GALNT18: variants seen among roughly 807,000 people sequenced by gnomAD.
GALNT18 encodes GalNAc-transferase 18.
In GALNT18, 44 loss-of-function variants were observed where a neutral mutation model predicts 69.5. The ratio of observed to expected loss-of-function variants is 0.63; its 90% CI spans 0.50 to 0.81. The LOEUF (loss-of-function observed/expected upper bound fraction) is 0.81. GALNT18 is among the 40% of genes least tolerant of loss of function. The probability of loss-of-function intolerance (pLI) is 0.00; values close to 1 mark genes in which losing one functional copy is unlikely to be tolerated. For missense variants in GALNT18, 715 were observed against 810.0 expected (o/e 0.88, Z 1.42); for synonymous variants, 364 against 318.2 (o/e 1.14, Z -1.53).
Position 11,439,493 on chromosome 11 carries a change from C to T in GALNT18, c.429-6706G>A, listed in dbSNP as rs1485975485. Among the ~76,000 whole-genome samples the T allele has an allele frequency of 6.6e-6, 1 of 152,156 alleles. No individual in the cohort carries two copies. The highest frequency in any genetic ancestry group is 1.9e-4 in the East Asian group (1 of 5,192). On this transcript the variant is annotated intron_variant, in intron 2 of 10. Coordinates refer to ENST00000227756, the MANE Select transcript of GALNT18 (RefSeq NM_198516.3). The surrounding 1 kb of genome is among the most constrained non-coding windows in gnomAD (Gnocchi z 4.4). ...CCCTTCCTGGGCTGGAGTCCAGTCCCCTGTGAGACTCTCACAGATTCTGCT... is the reference window on the plus strand; with the variant it reads ...CCCTTCCTGGGCTGGAGTCCAGTCCTCTGTGAGACTCTCACAGATTCTGCT...
intron 1 of GALNT18, among the ~76,000 whole-genome samples, chr11:11,478,159 T>C (rs1454186172): frequency 6.6e-6 from 1 of 152,126 alleles, no homozygotes; most frequent in African/African-American, 2.4e-5. Context: ...ACAGGTCACA[T>C]AGAAAGGAGC....
intron 9 of GALNT18, among the ~76,000 whole-genome samples, chr11:11,308,230 T>A (rs1163550592): frequency 3.3e-5 from 5 of 152,222 alleles, no homozygotes; most frequent in Non-Finnish European, 7.3e-5. Context: ...GTGTAAGCGA[T>A]GGTGGAAATC....
At position 11,459,380 on chromosome 11, in the gene GALNT18, C is replaced by T. The variant is rs72863053; in HGVS notation, c.236-10444G>A. Reference sequence around the variant, plus strand: ...TCCAACACCATTAAAATCCTCTGTGCGAGGACTTTATTCAGCATGGCAAAG... The same window carrying T: ...TCCAACACCATTAAAATCCTCTGTGTGAGGACTTTATTCAGCATGGCAAAG... On this transcript the variant is annotated intron_variant, in intron 1 of 10. Transcript: ENST00000227756. This position sits in a 1 kb window ranked among gnomAD's most constrained non-coding sequence, Gnocchi z 5.0. 0.055 allele frequency among the ~76,000 whole-genome samples: 8,416 copies of T among 152,182 alleles called. 325 individuals are homozygous for T. Among genetic ancestry groups the T allele is most frequent in the Middle Eastern group, 0.092 (27 of 294 alleles).
chr11:11,590,938 A>G lies in GALNT18; in HGVS notation c.235+30421T>C, dbSNP rs1010978810. 2.0e-5 allele frequency among the ~76,000 whole-genome samples: 3 copies of G among 152,190 alleles called. No homozygotes were observed. The highest frequency in any genetic ancestry group is 4.8e-5 in the African/African-American group (2 of 41,452). On this transcript the variant is annotated intron_variant, in intron 1 of 10. Transcript: ENST00000227756. The surrounding 1 kb of genome is among the most constrained non-coding windows in gnomAD (Gnocchi z 4.4). Reference sequence around the variant, plus strand: ...TATGTTACTGGTTTATGTATTTACTATATTATATTTTTACTATTATTTTAG... The same window carrying G: ...TATGTTACTGGTTTATGTATTTACTGTATTATATTTTTACTATTATTTTAG...
In GALNT18 at chr11:11,604,249, T is replaced by C. The variant is rs915036027; in HGVS notation, c.235+17110A>G. 6.6e-6 allele frequency among the ~76,000 whole-genome samples: 1 copy of C among 152,226 alleles called. No homozygotes were observed. The highest frequency in any genetic ancestry group is 1.5e-5 in the Non-Finnish European group (1 of 68,038). ...TCAAAGATTGTGTTGGTTTGGTTAG[T>C]AAGTTAAAAATCCATTAAGAGCATT... On this transcript the variant is annotated intron_variant, in intron 1 of 10. Coordinates refer to ENST00000227756, the MANE Select transcript of GALNT18 (RefSeq NM_198516.3). This position sits in a 1 kb window ranked among gnomAD's most constrained non-coding sequence, Gnocchi z 5.6.
chr11:11,366,307 G>T (rs891977671), intron 6 of GALNT18, among the ~76,000 whole-genome samples: 1 of 152,064 alleles, frequency 6.6e-6, no homozygotes, highest in African/African-American at 2.4e-5. Context: ...AGTTAAGCAC[G>T]ACTATAATAC....
chr11:11,506,978 C>T lies in GALNT18; in HGVS notation c.236-58042G>A, dbSNP rs545396933. 8.5e-5 allele frequency among the ~76,000 whole-genome samples: 13 copies of T among 152,286 alleles called. No homozygotes were observed. The South Asian group carries it at 2.5e-3, about 29-fold the overall frequency. On this transcript the variant is annotated intron_variant, in intron 1 of 10. Transcript: ENST00000227756. ...AGTACAGGACAAAACCCTTCAGGGT[C>T]GCTCCCAATAGAAAGAGCACCTGCA...
At chr11:11,342,260 G>T (rs924877382) in intron 6 of GALNT18, among the ~76,000 whole-genome samples, 1 of 152,090 alleles carries the variant, frequency 6.6e-6, no homozygotes, top group African/African-American at 2.4e-5. Flanking sequence ...TGTATAAATG[G>T]CTGACATTTA....
intron 9 of GALNT18, among the ~76,000 whole-genome samples, chr11:11,295,539 C>T (rs1397640655): frequency 1.3e-5 from 2 of 152,118 alleles, no homozygotes; most frequent in Non-Finnish European, 2.9e-5. Flanking sequence ...TCTTTCCTCC[C>T]CACTTCAATC....
rs749641681 is a variant in GALNT18, at chr11:11,590,326, G to A, written c.235+31033C>T. 8.5e-5 allele frequency among the ~76,000 whole-genome samples: 13 copies of A among 152,212 alleles called. No homozygotes were observed. Among genetic ancestry groups the A allele is most frequent in the Non-Finnish European group, 1.5e-4 (10 of 68,038 alleles). Reference sequence around the variant, plus strand: ...GCATGCAAGGGGTCACGCAGAAAGCGACAGGGCCCAAGCCTATGTCCTTGG... The same window carrying A: ...GCATGCAAGGGGTCACGCAGAAAGCAACAGGGCCCAAGCCTATGTCCTTGG... On this transcript the variant is annotated intron_variant, in intron 1 of 10. Coordinates refer to ENST00000227756, the MANE Select transcript of GALNT18 (RefSeq NM_198516.3). The surrounding 1 kb of genome is among the most constrained non-coding windows in gnomAD (Gnocchi z 4.4).
At chr11:11,331,336 C>G (rs569225079) in intron 8 of GALNT18, among the ~76,000 whole-genome samples, 1 of 152,160 alleles carries the variant, frequency 6.6e-6, no homozygotes. Flanking sequence ...CTCCTACAAT[C>G]TGGCCTTCTG....
chr11:11,377,466 C>A lies in GALNT18; in HGVS notation c.780-87G>T, dbSNP rs904090500. 1.7e-6 allele frequency: 2 copies of A among 1,207,742 alleles called. No individual in the cohort carries two copies. Among genetic ancestry groups the A allele is most frequent in the Non-Finnish European group, 2.4e-6 (2 of 829,554 alleles). The allele number at this position is 1,207,742 out of a possible 1,614,324, so 74.8% of individuals were successfully genotyped here. A position where few individuals can be genotyped will look rare whatever the true frequency, so the allele number is the denominator to read the frequency against. On this transcript the variant is annotated intron_variant, in intron 4 of 10. Coordinates refer to ENST00000227756, the MANE Select transcript of GALNT18 (RefSeq NM_198516.3). This position sits in a 1 kb window ranked among gnomAD's most constrained non-coding sequence, Gnocchi z 4.6. ...GCATCTCCTGAAGGTCCTTCCCCAG[C>A]AGAAAGAGGAAGGAAGGCCTGCCCA...
intron 1 of GALNT18, among the ~76,000 whole-genome samples, chr11:11,457,444 GA>G (rs1432593614): frequency 6.6e-6 from 1 of 152,206 alleles, no homozygotes; most frequent in African/African-American, 2.4e-5. Context: ...TCCTAGGCAA[GA>G]ATCTAGCACT....
intron 1 of GALNT18, among the ~76,000 whole-genome samples, chr11:11,462,719 G>A (rs1398814006): frequency 2.0e-5 from 3 of 152,142 alleles, no homozygotes; most frequent in African/African-American, 4.8e-5. Context: ...CACAGGGCCT[G>A]GTGGCTTTCA....
intron 9 of GALNT18, among the ~76,000 whole-genome samples, chr11:11,324,192 G>T (rs540035907): frequency 2.0e-5 from 2 of 101,852 alleles, no homozygotes; most frequent in Admixed American, 1.7e-4. Flanking sequence ...AGTTTATGTG[G>T]TTTAAGGCCT....
At position 11,617,682 on chromosome 11, in the gene GALNT18, T is replaced by C. The variant is rs1025677177; in HGVS notation, c.235+3677A>G. ...AAATATTTTCTTAAACATTGGCACATTCTTTTCCATATTCAGAAAGCTACT... is the reference window on the plus strand; with the variant it reads ...AAATATTTTCTTAAACATTGGCACACTCTTTTCCATATTCAGAAAGCTACT... On this transcript the variant is annotated intron_variant, in intron 1 of 10. Coordinates refer to ENST00000227756, the MANE Select transcript of GALNT18 (RefSeq NM_198516.3). This position sits in a 1 kb window ranked among gnomAD's most constrained non-coding sequence, Gnocchi z 4.7. Among the ~76,000 whole-genome samples the C allele has an allele frequency of 4.6e-5, 7 of 152,232 alleles. No homozygotes were observed. The highest frequency in any genetic ancestry group is 1.7e-4 in the African/African-American group (7 of 41,468).
intron 10 of GALNT18, among the ~76,000 whole-genome samples, chr11:11,286,045 G>T (rs757019567): frequency 6.6e-6 from 1 of 152,144 alleles, no homozygotes; most frequent in Non-Finnish European, 1.5e-5. Context: ...CTTGGAAAAT[G>T]CATCAGCGCT....
chr11:11,517,869 A>G (rs138380551), intron 1 of GALNT18, among the ~76,000 whole-genome samples: 55 of 152,248 alleles, frequency 3.6e-4, no homozygotes, highest in African/African-American at 1.3e-3. Context: ...ACCCTCCAAA[A>G]TCATGTCCCT....
rs1326793221 is a variant in GALNT18 at position 11,338,205 on chromosome 11, T to C, written c.1278+2614A>G. Among the ~76,000 whole-genome samples, 1 of 152,074 alleles carries C rather than the reference T, an allele frequency of 6.6e-6. No individual in the cohort carries two copies. The highest frequency in any genetic ancestry group is 1.5e-5 in the Non-Finnish European group (1 of 68,010). On this transcript the variant is annotated intron_variant, in intron 7 of 10. Coordinates refer to ENST00000227756, the MANE Select transcript of GALNT18 (RefSeq NM_198516.3). This position sits in a 1 kb window ranked among gnomAD's most constrained non-coding sequence, Gnocchi z 5.3. ...CTGTTCTTGAACTCCTGACCCCAAG[T>C]GATTCACCCACCTCAGCCTCCCAAA...
Sources: gnomAD v4.1 joint callset for allele counts (sites outside exome capture counted in the v4.1 genomes callset) on GRCh38, gnomAD v4.1.1 for gene constraint, Gnocchi (gnomAD v3.1) non-coding constraint, MANE v1.5 for transcripts, NCBI Gene and HGNC (gene_info 2026-07-23, HGNC 2026-07-21) for gene names.